Variants in TDRD12 observed in about 807,000 individuals in gnomAD.
TDRD12 encodes the protein tudor domain containing 12.
TDRD12 carries 158 observed loss-of-function variants against 133.5 expected under a neutral mutation model. The observed-to-expected ratio is 1.18, with a 90% confidence interval of 1.04 to 1.35. TDRD12 has a LOEUF of 1.35. TDRD12 is among the 40% of genes most tolerant of loss of function. The pLI is 0.00. For synonymous variants in TDRD12, 460 were observed against 477.9 expected (o/e 0.96, Z 0.49); for missense variants, 1,443 against 1,321.3 (o/e 1.09, Z -1.43).
At chr19:32,794,921 A>G (rs1330765935) in intron 14 of TDRD12, 108 bp downstream of exon 14, 12 of 619,210 alleles carry the variant, frequency 1.9e-5, no homozygotes, top group Non-Finnish European at 3.5e-5. Flanking sequence ...TTGGTTTTCA[A>G]ACTTCCAGGC....
At position 32,807,488 on chromosome 19, in the gene TDRD12, G is replaced by A. The variant is rs34083006; in HGVS notation, c.2553-61G>A. 1.6e-3 allele frequency: 1,960 copies of A among 1,219,496 alleles called. 1 individual carries two copies. Among genetic ancestry groups the A allele is most frequent in the East Asian group, 5.1e-3 (192 of 37,820 alleles). 75.5% of individuals were successfully genotyped at this position (1,219,496 alleles called of 1,614,324 possible). A position where few individuals can be genotyped will look rare whatever the true frequency, so the allele number is the denominator to read the frequency against. The stretch of plus-strand genomic sequence containing the variant: ...TGCAGATTAATTTTCTGAAGAAAGC[G>A]TTAAAATTCACATTAACAATTATTA... On this transcript the variant is annotated intron_variant, in intron 21 of 27. Coordinates refer to ENST00000444215, the Ensembl canonical transcript of TDRD12.
At chr19:32,759,650 C>T (rs1970097419) in intron 8 of TDRD12, among the ~76,000 whole-genome samples, 1 of 152,162 alleles carries the variant, frequency 6.6e-6, no homozygotes, top group South Asian at 2.1e-4. Flanking sequence ...ATTATAGAGC[C>T]TTTCTTTCCA....
exon 2 of TDRD12, chr19:32,731,786 A>G (rs903701334): frequency 1.2e-5 from 18 of 1,551,286 alleles, no homozygotes; most frequent in Non-Finnish European, 1.5e-5. Flanking sequence ...TTAGATCATG[A>G]TGTCGATTAT....
chr19:32,749,390 C>A (rs541591691), intron 5 of TDRD12, among the ~76,000 whole-genome samples: 19 of 152,280 alleles, frequency 1.2e-4, no homozygotes, highest in African/African-American at 4.6e-4. Flanking sequence ...AAGAAGGTTT[C>A]TAAAGGACTT....
rs900060193 is a variant in TDRD12 at position 32,807,627 on chromosome 19, A to T, written c.2631A>T (p.Leu877=). The T allele has an allele frequency of 8.5e-6, 13 of 1,535,268 alleles. No individual in the cohort carries two copies. In the African/African-American group the frequency reaches 1.5e-4, roughly 18 times the overall value. ...CCAGGAAACTGTCCAGCCAAGCCCT[A>T]CCTTCATTTGGATACATTAAAGTAG... Residue 877 remains leucine (L), a synonymous_variant, in exon 22 of 28, where the codon CTA becomes CTT. Transcript: ENST00000444215.
chr19:32,767,097 TTTA>T (rs546602414), intron 8 of TDRD12, among the ~76,000 whole-genome samples: 1,946 of 19,350 alleles, frequency 0.1, 23 homozygotes, highest in Non-Finnish European at 0.14. Context: ...ATGCATTTTA[TTTA>T]TTTATTTATT....
intron 21 of TDRD12, among the ~76,000 whole-genome samples, chr19:32,807,267 TAAAAAAAAAAAAAAAAA>T (rs59421213): frequency 4.2e-5 from 2 of 47,208 alleles, no homozygotes; most frequent in African/African-American, 2.5e-4. Flanking sequence ...ACCAAACTCT[TAAAAAAAAAAAAAAAAA>T]AAAAAAAAAA....
At chr19:32,799,296 G>A (rs1285341676) in intron 16 of TDRD12, among the ~76,000 whole-genome samples, 1 of 152,094 alleles carries the variant, frequency 6.6e-6, no homozygotes, top group African/African-American at 2.4e-5. Context: ...TAGTATCTAG[G>A]CATACTGCTC....
At chr19:32,722,699 A>G (rs1055167322) in intron 1 of TDRD12, among the ~76,000 whole-genome samples, 188 of 120,148 alleles carry the variant, frequency 1.6e-3, no homozygotes, top group African/African-American at 5.8e-3. Context: ...TTTTTTTTTG[A>G]GACGGCGTCT....
chr19:32,815,716 C>T, intron 26 of TDRD12, 96 bp downstream of exon 26: 1 of 1,261,852 alleles, frequency 7.9e-7, no homozygotes, highest in Non-Finnish European at 1.1e-6. Flanking sequence ...GAAGAGTTGG[C>T]TGGGTGCGGT....
intron 11 of TDRD12, among the ~76,000 whole-genome samples, chr19:32,785,447 G>A (rs1293490390): frequency 6.6e-6 from 1 of 152,200 alleles, no homozygotes; most frequent in Non-Finnish European, 1.5e-5. Flanking sequence ...TTGATTTGGT[G>A]TGGAGAGTTC....
rs1338264840 is a variant in TDRD12, at chr19:32,821,145, T to C, written c.3496T>C (p.Tyr1166His). ...CTCAGAAAACCAGAAGCCTGGTGGG[T>C]ACTTGGTATTCAAAAGATGGTTAAG... The change falls in exon 28 of 28, where the codon TAC becomes CAC. Residue 1166 changes from tyrosine (Y) to histidine (H), a missense_variant. Physicochemically the swap from Tyr to His is moderately conservative, Grantham distance 83. Transcript: ENST00000444215. 1 of 1,532,916 alleles carries C rather than the reference T, an allele frequency of 6.5e-7. No individual in the cohort carries two copies. Among genetic ancestry groups the C allele is most frequent in the Non-Finnish European group, 8.7e-7 (1 of 1,144,564 alleles). 95.0% of individuals were successfully genotyped at this position (1,532,916 alleles called of 1,614,324 possible). A position where few individuals can be genotyped will look rare whatever the true frequency, so the allele number is the denominator to read the frequency against.
chr19:32,813,552 C>T (rs959923832), intron 24 of TDRD12, 132 bp from the exon 25 acceptor site: 1 of 591,322 alleles, frequency 1.7e-6, no homozygotes, highest in Non-Finnish European at 3.0e-6. Flanking sequence ...GGGGTGATGA[C>T]CTCTGTGATC....
chr19:32,788,665 G>A (rs1970979722), intron 11 of TDRD12, among the ~76,000 whole-genome samples: 1 of 152,024 alleles, frequency 6.6e-6, no homozygotes, highest in Non-Finnish European at 1.5e-5. Context: ...GCATTACTCG[G>A]TTTTTAAGGC....
At chr19:32,764,474 G>A (rs1970239613) in intron 8 of TDRD12, among the ~76,000 whole-genome samples, 1 of 152,108 alleles carries the variant, frequency 6.6e-6, no homozygotes, top group African/African-American at 2.4e-5. Context: ...CCCTATATCT[G>A]TGTGATTTGA....
intron 8 of TDRD12, among the ~76,000 whole-genome samples, chr19:32,764,325 T>C (rs1418792893): frequency 6.6e-6 from 1 of 152,084 alleles, no homozygotes; most frequent in Non-Finnish European, 1.5e-5. Context: ...TTAGCCAGGA[T>C]GGTCTAGATC....
At chr19:32,725,348 G>A (rs949642461) in intron 1 of TDRD12, among the ~76,000 whole-genome samples, 2 of 151,598 alleles carry the variant, frequency 1.3e-5, no homozygotes, top group African/African-American at 4.8e-5. Context: ...ATAGTTTTAG[G>A]TTTTACATTT....
chr19:32,817,090 A>G lies in TDRD12; in HGVS notation c.3315-999A>G, dbSNP rs557227931. ...TGTTAGCACAGCTAAAAAGGCTCAC[A>G]GTGATTCCTTCAATTGCATGTGTTT... On this transcript the variant is annotated intron_variant, in intron 26 of 27. Coordinates refer to ENST00000444215, the Ensembl canonical transcript of TDRD12. Among the ~76,000 whole-genome samples the G allele has an allele frequency of 8.3e-4, 127 of 152,372 alleles. 2 individuals are homozygous for G. The highest frequency in any genetic ancestry group is 6.3e-3 in the Admixed American group (97 of 15,308).
chr19:32,752,497 T>C (rs1302175713), intron 6 of TDRD12, among the ~76,000 whole-genome samples: 3 of 151,900 alleles, frequency 2.0e-5, no homozygotes, highest in Non-Finnish European at 4.4e-5. Context: ...GCATTTTTAA[T>C]TGGAATTTTA....
Sources: allele counts gnomAD v4.1 joint callset (sites outside exome capture counted in the v4.1 genomes callset), GRCh38; gene constraint gnomAD v4.1.1; transcripts MANE v1.5; gene names NCBI Gene and HGNC (gene_info 2026-07-23, HGNC 2026-07-21).